METTL22: variants seen among roughly 807,000 people sequenced by gnomAD.
METTL22 encodes the protein methyltransferase 22, Kin17 lysine.
Under a neutral mutation model 48.4 loss-of-function variants are expected in METTL22, and 51 were observed. That is an observed-to-expected ratio of 1.05 (90% CI 0.84 to 1.33). The LOEUF is 1.33. Among genes scored for constraint, METTL22 ranks in the 40% most tolerant of loss-of-function variants. The pLI is 0.00. For synonymous variants in METTL22, 255 were observed against 214.1 expected, an observed-to-expected ratio of 1.19 and a Z score of -1.67; for missense variants, 678 against 526.9, an observed-to-expected ratio of 1.29 and a Z score of -2.81.
At chr16:8,633,422 C>A (rs936294370) in intron 3 of METTL22, among the ~76,000 whole-genome samples, 1 of 152,102 alleles carries the variant, frequency 6.6e-6, no homozygotes, top group Non-Finnish European at 1.5e-5. Context: ...CATGCTGAGA[C>A]CCTATCTCTA....
chr16:8,641,173 A>G lies in METTL22; in HGVS notation c.815A>G (p.Asp272Gly), dbSNP rs774781510. Residue 272 changes from aspartate to glycine, a missense_variant, in exon 7 of 11, where the codon GAC (aspartate) becomes GGC (glycine). Coordinates refer to ENST00000381920, the MANE Select transcript of METTL22 (RefSeq NM_024109.4). ...AAAGAACTGGACTGGCTGAAGGACG[A>G]CCTCTGCACAGGTGTGTGTTTCTCT... The part of the protein sequence containing the change: ...RVKELDWLKD[D>G]LCTDPKVPFS... 1.2e-6 allele frequency: 2 copies of G among 1,613,732 alleles called. No homozygotes were observed. Among genetic ancestry groups the G allele is most frequent in the Non-Finnish European group, 1.7e-6 (2 of 1,179,948 alleles).
chr16:8,632,892 C>G (rs1398131824), intron 3 of METTL22, among the ~76,000 whole-genome samples: 1 of 152,170 alleles, frequency 6.6e-6, no homozygotes, highest in Non-Finnish European at 1.5e-5. Flanking sequence ...GGAGGCAGAA[C>G]TTACGTCCAC....
At position 8,629,248 on chromosome 16, in the gene METTL22, G is replaced by A. The variant is rs770224990; in HGVS notation, c.514+138G>A. The A allele has an allele frequency of 1.3e-4, 149 of 1,152,794 alleles. 1 individual carries two copies. The highest frequency in any genetic ancestry group is 3.0e-4 in the Middle Eastern group (1 of 3,342). 71.4% of individuals were successfully genotyped at this position (1,152,794 alleles called of 1,614,324 possible). On this transcript the variant is annotated intron_variant, in intron 3 of 10. Transcript: ENST00000381920. The stretch of plus-strand genomic sequence containing the variant: ...ATGAGAACCAGCTCGGGTGAGACTG[G>A]GGAAGCTCTCCACAACCCCGTCACT...
At position 8,628,495 on chromosome 16, in the gene METTL22, C is replaced by G. The variant is rs769648694; in HGVS notation, c.134-235C>G. Among the ~76,000 whole-genome samples, 3 of 151,910 alleles carry G rather than the reference C, an allele frequency of 2.0e-5. No homozygotes were observed. In the East Asian group the frequency reaches 5.8e-4, roughly 30 times the overall value. ...TGGAGATTGAATGAGCTGATATGAG[C>G]CAAGTGCCTCATAGATTCTCATGAA... is the stretch of plus-strand genomic sequence containing the variant. On this transcript the variant is annotated intron_variant, in intron 2 of 10. Coordinates refer to ENST00000381920, the MANE Select transcript of METTL22 (RefSeq NM_024109.4).
At chr16:8,628,678 A>G in intron 2 of METTL22, 52 bp from the exon 3 acceptor site, 4 of 1,544,026 alleles carry the variant, frequency 2.6e-6, no homozygotes, top group Non-Finnish European at 3.5e-6. Context: ...AGAGGAAGGT[A>G]AAAAAGAAAA....
At chr16:8,645,128 A>G (rs1373852826) in intron 10 of METTL22, 1 of 161,998 alleles carries the variant, frequency 6.2e-6, no homozygotes, top group Non-Finnish European at 1.3e-5. Flanking sequence ...CTGTGGAAGG[A>G]TACCAGCCCC....
intron 5 of METTL22, among the ~76,000 whole-genome samples, chr16:8,636,465 G>A (rs1172142108): frequency 1.4e-5 from 2 of 146,674 alleles, no homozygotes; most frequent in Non-Finnish European, 3.0e-5. Flanking sequence ...AGGTTGCAGT[G>A]AGCTGAGATT....
rs2056688310 is a variant in METTL22, at chr16:8,643,537, C to T, written c.1010+972C>T. Reference sequence around the variant, plus strand: ...AATAACTCAGTGAGGGCAGGGGGCCCCGGGAAGAGCCAAGGTGGCAGAGTG... The same window carrying T: ...AATAACTCAGTGAGGGCAGGGGGCCTCGGGAAGAGCCAAGGTGGCAGAGTG... On this transcript the variant is annotated intron_variant, in intron 9 of 10. Transcript: ENST00000381920. Among the ~76,000 whole-genome samples, 4 of 152,196 alleles carry T rather than the reference C, an allele frequency of 2.6e-5. No individual in the cohort carries two copies. In the South Asian group the frequency reaches 8.3e-4, roughly 31 times the overall value.
chr16:8,656,836 G>A, the METTL22 span, among the ~76,000 whole-genome samples: 1 of 152,390 alleles, frequency 6.6e-6, no homozygotes, highest in African/African-American at 2.4e-5. Flanking sequence ...CTAAAGGCCA[G>A]CATCTGGCAA....
intron 9 of METTL22, 181 bp downstream of exon 9, chr16:8,642,746 G>A (rs1042242069): frequency 1.5e-6 from 1 of 652,434 alleles, no homozygotes; most frequent in Middle Eastern, 4.1e-4. Context: ...CTGCATCCTA[G>A]CCCTGTGTGC....
In METTL22 at chr16:8,641,224, G is replaced by C. The variant is rs1274685438; in HGVS notation, c.826+40G>C. ...CGGACGTCCCCCAGTATGATTCAGT[G>C]ATTCCTTTGTAATACCTCAGTGCCC... On this transcript the variant is annotated intron_variant, in intron 7 of 10. Coordinates refer to ENST00000381920, the MANE Select transcript of METTL22 (RefSeq NM_024109.4). 3.1e-6 allele frequency: 5 copies of C among 1,605,732 alleles called. No homozygotes were observed. The South Asian group carries it at 5.5e-5, about 18-fold the overall frequency.
In METTL22 at chr16:8,646,940, A is replaced by G. The variant is rs2056814213; in HGVS notation, c.*797A>G. 1 of 347,436 alleles carries G rather than the reference A, an allele frequency of 2.9e-6. No individual in the cohort carries two copies. Among genetic ancestry groups the G allele is most frequent in the Non-Finnish European group, 5.7e-6 (1 of 176,530 alleles). The allele number at this position is 347,436 out of a possible 1,614,324, so 21.5% of individuals were successfully genotyped here. ...CCTCCCATCTCCACCCCTTCCTGTCATCCTCTATGTCCCACTGTCTCTCTC... is the reference window on the plus strand; with the variant it reads ...CCTCCCATCTCCACCCCTTCCTGTCGTCCTCTATGTCCCACTGTCTCTCTC... On this transcript the variant is annotated 3_prime_UTR_variant, in exon 11 of 11. Coordinates refer to ENST00000381920, the MANE Select transcript of METTL22 (RefSeq NM_024109.4).
intron 2 of METTL22, among the ~76,000 whole-genome samples, chr16:8,627,481 C>G (rs1223752845): frequency 1.3e-5 from 2 of 152,152 alleles, no homozygotes; most frequent in Admixed American, 1.3e-4. Context: ...GGCCACCCTC[C>G]CTAACCCCAA....
intron 5 of METTL22, among the ~76,000 whole-genome samples, chr16:8,637,903 C>T (rs1189499829): frequency 6.6e-6 from 1 of 150,858 alleles, no homozygotes; most frequent in Non-Finnish European, 1.5e-5. Flanking sequence ...TTTGAGAGGC[C>T]GAGGCAGGTG....
the METTL22 span, among the ~76,000 whole-genome samples, chr16:8,661,585 C>T: frequency 7.9e-5 from 10 of 127,326 alleles, no homozygotes; most frequent in East Asian, 1.3e-3. Context: ...GCTGAGCTTG[C>T]AGTGAGCCGA....
the METTL22 span, among the ~76,000 whole-genome samples, chr16:8,659,940 G>A: frequency 7.2e-5 from 11 of 151,922 alleles, no homozygotes; most frequent in East Asian, 2.1e-3. Context: ...TGCCCAGGCT[G>A]GTCTCAAACT....
At chr16:8,650,887 A>G (rs2056884329), downstream of METTL22, among the ~76,000 whole-genome samples, 1 of 152,102 alleles carries the variant, frequency 6.6e-6, no homozygotes, top group African/African-American at 2.4e-5. Flanking sequence ...ATAGCTGGGC[A>G]TGGTGGCGTG....
At chr16:8,667,197 A>T in the METTL22 span, 1 of 152,254 alleles carries the variant, frequency 6.6e-6, no homozygotes, top group East Asian at 1.9e-4. Flanking sequence ...GAAGAGTTCA[A>T]TCTCAGTTCA....
chr16:8,628,824 G>T lies in METTL22; in HGVS notation c.228G>T (p.Glu76Asp). The T allele has an allele frequency of 6.2e-7, 1 of 1,614,176 alleles. No homozygotes were observed. Among genetic ancestry groups the T allele is most frequent in the Non-Finnish European group, 8.5e-7 (1 of 1,180,034 alleles). The change falls in exon 3 of 11, where the codon GAG becomes GAT. Residue 76 changes from glutamate to aspartate, a missense_variant. Transcript: ENST00000381920. ...GGSHRDVHTK[E>D]PPSAETGSTG... ...GTCACAGAGATGTTCACACAAAGGAGCCTCCTTCTGCTGAGACAGGCAGCA... is the reference window on the plus strand; with the variant it reads ...GTCACAGAGATGTTCACACAAAGGATCCTCCTTCTGCTGAGACAGGCAGCA...
Sources: gnomAD v4.1 joint callset for allele counts (sites outside exome capture counted in the v4.1 genomes callset) on GRCh38, gnomAD v4.1.1 for gene constraint, MANE v1.5 for transcripts, NCBI Gene and HGNC (gene_info 2026-07-23, HGNC 2026-07-21) for gene names.